PSME3IP1: variants seen among roughly 807,000 people sequenced by gnomAD.
The protein encoded by PSME3IP1 is PSME3-interacting protein.
A neutral mutation model predicts 34.1 loss-of-function variants in PSME3IP1; 13 were observed. That is an observed-to-expected ratio of 0.38 (90% CI 0.25 to 0.61). The LOEUF is 0.61. Ranked by LOEUF, PSME3IP1 falls within the 20% of genes least tolerant of loss-of-function variation. PSME3IP1 has a pLI of 0.60. For missense variants in PSME3IP1, 237 were observed against 301.4 expected (o/e 0.79, Z 1.58); for synonymous variants, 93 against 114.3 (o/e 0.81, Z 1.19).
rs968714988 is a variant in PSME3IP1, at chr16:57,152,605, T to C, written c.*1685A>G. ...TAAGAGTCATGCCACATAAAGATGA[T>C]GACTTTGATGTCCTGGCCTGCCTCC... On this transcript the variant is annotated 3_prime_UTR_variant, in exon 7 of 7. Coordinates refer to ENST00000309137, the MANE Select transcript of PSME3IP1 (RefSeq NM_024946.4). 2.0e-5 allele frequency: 3 copies of C among 152,686 alleles called. No homozygotes were observed. The highest frequency in any genetic ancestry group is 4.4e-5 in the Non-Finnish European group (3 of 68,056). 9.5% of individuals were successfully genotyped at this position (152,686 alleles called of 1,614,324 possible).
intron 1 of PSME3IP1, chr16:57,174,763 TC>T: frequency 1.2e-6 from 1 of 852,660 alleles, no homozygotes; most frequent in African/African-American, 1.8e-5. Flanking sequence ...CAACTTCAGT[TC>T]CACGTACTTT....
rs2074140082 is a variant in PSME3IP1 at position 57,185,908 on chromosome 16, A to G, written c.-103T>C. 3 of 985,402 alleles carry G rather than the reference A, an allele frequency of 3.0e-6. No individual in the cohort carries two copies. Among genetic ancestry groups the G allele is most frequent in the Non-Finnish European group, 3.6e-6 (3 of 829,928 alleles). 61.0% of individuals were successfully genotyped at this position (985,402 alleles called of 1,614,324 possible). A position where few individuals can be genotyped will look rare whatever the true frequency, so the allele number is the denominator to read the frequency against. On this transcript the variant is annotated 5_prime_UTR_variant, in exon 1 of 7. Transcript: ENST00000309137. ...CAGAGCCGCTCGCTCTTAAAAAAGA[A>G]AAAAAAATGAAAGGAAGAAAGAAAG...
rs536961791 is a variant in PSME3IP1, at chr16:57,157,558, G to A, written c.548-3051C>T. On this transcript the variant is annotated intron_variant, in intron 6 of 6. Coordinates refer to ENST00000309137, the MANE Select transcript of PSME3IP1 (RefSeq NM_024946.4). ...AAGGAAATGAGTGGCTGGAAAATGG[G>A]GGAGACTTACTTTTTACTCCACATT... is the stretch of plus-strand genomic sequence containing the variant. Among the ~76,000 whole-genome samples the A allele has an allele frequency of 3.9e-5, 6 of 151,998 alleles. No individual in the cohort carries two copies. In the East Asian group the frequency reaches 7.7e-4, roughly 20 times the overall value.
At chr16:57,166,332 A>T (rs1597651497) in intron 5 of PSME3IP1, among the ~76,000 whole-genome samples, 1 of 152,340 alleles carries the variant, frequency 6.6e-6, no homozygotes, top group Non-Finnish European at 1.5e-5. Context: ...GGAGGAGCAA[A>T]CATAGCAAAG....
intron 4 of PSME3IP1, among the ~76,000 whole-genome samples, chr16:57,171,342 G>A (rs755478193): frequency 4.1e-4 from 62 of 152,150 alleles, no homozygotes; most frequent in African/African-American, 1.4e-3. Flanking sequence ...AGGCGGGTTG[G>A]CCTAAATAAT....
intron 6 of PSME3IP1, among the ~76,000 whole-genome samples, chr16:57,160,941 A>C (rs1274242321): frequency 6.6e-6 from 1 of 152,250 alleles, no homozygotes; most frequent in African/African-American, 2.4e-5. Flanking sequence ...TAAAATCTAG[A>C]GCCAGAGAAA....
intron 6 of PSME3IP1, among the ~76,000 whole-genome samples, chr16:57,157,930 A>G (rs1187957985): frequency 1.3e-5 from 2 of 152,234 alleles, no homozygotes; most frequent in Admixed American, 1.3e-4. Context: ...ATTAAAGCTA[A>G]GAAGGCTGTA....
chr16:57,167,229 GAGTTACC>G lies in PSME3IP1; in HGVS notation c.349-10_349-4del, dbSNP rs1315782114. 3 of 1,614,184 alleles carry G rather than the reference GAGTTACC, an allele frequency of 1.9e-6. No homozygotes were observed. In the Admixed American group the frequency reaches 5.0e-5, roughly 27 times the overall value. Reference sequence around the variant, plus strand: ...ATTCCAACCTTCTTGAGGTTATTGTGAGTTACCAGTTAAGGGTCAAACTAAGCAAAAG... The same window carrying G: ...ATTCCAACCTTCTTGAGGTTATTGTGAGTTAAGGGTCAAACTAAGCAAAAG... On this transcript the variant is annotated splice_region_variant and splice_polypyrimidine_tract_variant and intron_variant, in intron 4 of 6. Coordinates refer to ENST00000309137, the MANE Select transcript of PSME3IP1 (RefSeq NM_024946.4).
chr16:57,172,611 T>C (rs1396630410), intron 3 of PSME3IP1, among the ~76,000 whole-genome samples, 165 bp downstream of exon 3: 2 of 152,208 alleles, frequency 1.3e-5, no homozygotes, highest in African/African-American at 4.8e-5. Context: ...AAATATTCAA[T>C]GTGGTCTAGA....
chr16:57,173,796 T>C lies in PSME3IP1; in HGVS notation c.59A>G (p.Glu20Gly). Residue 20 changes from glutamate to glycine, a missense_variant, in exon 2 of 7, where the codon GAA becomes GGA. Coordinates refer to ENST00000309137, the MANE Select transcript of PSME3IP1 (RefSeq NM_024946.4). ...CCTCCTTTTGCGCCGTTCATCTAGT[T>C]CTGCCTCAGACACAAACCTCTTTTT... ...IIKKRFVSEA[E>G]LDERRKRRQE... 1 of 1,614,128 alleles carries C rather than the reference T, an allele frequency of 6.2e-7. No homozygotes were observed. Among genetic ancestry groups the C allele is most frequent in the East Asian group, 2.2e-5 (1 of 44,886 alleles).
intron 1 of PSME3IP1, among the ~76,000 whole-genome samples, chr16:57,184,344 A>T (rs533395407): frequency 6.6e-6 from 1 of 152,380 alleles, no homozygotes; most frequent in African/African-American, 2.4e-5. Context: ...AGATTCAAGA[A>T]GTCTAATAAA....
At chr16:57,176,917 C>T (rs1341990610) in intron 1 of PSME3IP1, among the ~76,000 whole-genome samples, 2 of 151,992 alleles carry the variant, frequency 1.3e-5, no homozygotes, top group South Asian at 4.1e-4. Flanking sequence ...TGCAGTGGCA[C>T]GATCTTGGCT....
chr16:57,157,168 G>C (rs2070634469), intron 6 of PSME3IP1, among the ~76,000 whole-genome samples: 1 of 152,052 alleles, frequency 6.6e-6, no homozygotes, highest in African/African-American at 2.4e-5. Context: ...AATTAGCCGG[G>C]TGTGGTGGTG....
chr16:57,163,633 T>C (rs1242193306), intron 6 of PSME3IP1, among the ~76,000 whole-genome samples: 1 of 152,222 alleles, frequency 6.6e-6, no homozygotes, highest in Non-Finnish European at 1.5e-5. Context: ...GCCAGGTATT[T>C]ACCTCCCACT....
chr16:57,172,483 G>C, intron 3 of PSME3IP1, 111 bp from the exon 4 acceptor site: 1 of 1,154,048 alleles, frequency 8.7e-7, no homozygotes, highest in Non-Finnish European at 1.2e-6. Flanking sequence ...AAAAAAAAAA[G>C]AACTGGTAAA....
At chr16:57,162,220 G>A (rs1450049833) in intron 6 of PSME3IP1, among the ~76,000 whole-genome samples, 2 of 152,074 alleles carry the variant, frequency 1.3e-5, no homozygotes, top group Non-Finnish European at 2.9e-5. Flanking sequence ...TTAATATAAT[G>A]GTACTGTAAT....
At chr16:57,163,229 G>C (rs1292721417) in intron 6 of PSME3IP1, among the ~76,000 whole-genome samples, 4 of 152,068 alleles carry the variant, frequency 2.6e-5, no homozygotes, top group Admixed American at 2.6e-4. Flanking sequence ...GAAGAGATAC[G>C]GGTAAAAGGC....
intron 5 of PSME3IP1, among the ~76,000 whole-genome samples, chr16:57,165,128 A>G (rs1339715270): frequency 6.6e-6 from 1 of 151,852 alleles, no homozygotes; most frequent in Non-Finnish European, 1.5e-5. Context: ...AAAGAGAAAC[A>G]TATTTTGCAG....
intron 1 of PSME3IP1, among the ~76,000 whole-genome samples, chr16:57,181,080 GATTT>G (rs1209395692): frequency 1.3e-5 from 2 of 152,094 alleles, no homozygotes; most frequent in Non-Finnish European, 2.9e-5. Flanking sequence ...AAAAAGTATT[GATTT>G]ATTTATCTTT....
Sources: gnomAD v4.1 joint callset for allele counts (sites outside exome capture counted in the v4.1 genomes callset) on GRCh38, gnomAD v4.1.1 for gene constraint, MANE v1.5 for transcripts, NCBI Gene and HGNC (gene_info 2026-07-23, HGNC 2026-07-21) for gene names.